The following LYPLAL1 variants were observed in gnomAD, a reference collection of about 807,000 sequenced individuals.
LYPLAL1 encodes lysophospholipase-like protein 1.
LYPLAL1 carries 23 observed loss-of-function variants against 19.7 expected under a neutral mutation model. That is an observed-to-expected ratio of 1.17 (90% CI 0.84 to 1.65). The LOEUF (loss-of-function observed/expected upper bound fraction) is 1.65. Ranked by LOEUF, LYPLAL1 falls within the 40% of genes most tolerant of loss-of-function variation. LYPLAL1 has a pLI of 0.00. For missense variants in LYPLAL1, 355 were observed against 279.4 expected, an observed-to-expected ratio of 1.27 and a Z score of -1.93; for synonymous variants, 119 against 96.3, an observed-to-expected ratio of 1.24 and a Z score of -1.38.
the LYPLAL1 span, among the ~76,000 whole-genome samples, chr1:219,246,427 C>T: frequency 1.3e-5 from 2 of 152,082 alleles, no homozygotes; most frequent in Non-Finnish European, 2.9e-5. Context: ...GGTCTGATTT[C>T]TCAAATGTAT....
chr1:219,388,466 T>A, the LYPLAL1 span, among the ~76,000 whole-genome samples: 1 of 152,176 alleles, frequency 6.6e-6, no homozygotes, highest in Non-Finnish European at 1.5e-5. Context: ...ACAGGACTAG[T>A]AGAGTCTAAT....
the LYPLAL1 span, among the ~76,000 whole-genome samples, chr1:219,353,790 CA>C: frequency 2.0e-5 from 3 of 151,982 alleles, no homozygotes; most frequent in African/African-American, 7.2e-5. Context: ...GACCCATAAA[CA>C]GGGGAAACTT....
the LYPLAL1 span, among the ~76,000 whole-genome samples, chr1:219,414,216 A>G: frequency 6.6e-6 from 1 of 152,196 alleles, no homozygotes; most frequent in Non-Finnish European, 1.5e-5. Context: ...ATTTTGCAAT[A>G]AATGCCAGCA....
At chr1:219,353,310 T>C in the LYPLAL1 span, among the ~76,000 whole-genome samples, 12 of 152,230 alleles carry the variant, frequency 7.9e-5, no homozygotes, top group Non-Finnish European at 1.8e-4. Context: ...GACAGAGCAC[T>C]AGATTCTACA....
intron 2 of LYPLAL1, among the ~76,000 whole-genome samples, chr1:219,182,009 T>C (rs1351253044): frequency 6.6e-6 from 1 of 152,154 alleles, no homozygotes; most frequent in East Asian, 1.9e-4. Flanking sequence ...AATACTAATA[T>C]TTTAATTGTG....
chr1:219,374,817 G>C, the LYPLAL1 span, among the ~76,000 whole-genome samples: 187 of 152,258 alleles, frequency 1.2e-3, no homozygotes, highest in African/African-American at 4.2e-3. Flanking sequence ...TGAGAATACA[G>C]TTTCTTCATT....
chr1:219,359,806 T>C, the LYPLAL1 span, among the ~76,000 whole-genome samples: 27 of 152,220 alleles, frequency 1.8e-4, no homozygotes, highest in African/African-American at 6.0e-4. Context: ...TTCTATGGCA[T>C]GGTAGTCAAA....
chr1:219,433,557 C>T, the LYPLAL1 span, among the ~76,000 whole-genome samples: 1 of 152,168 alleles, frequency 6.6e-6, no homozygotes, highest in Non-Finnish European at 1.5e-5. Flanking sequence ...ATTCAGACTC[C>T]CTGAGAGTCA....
At chr1:219,195,149 A>C (rs571571204) in intron 3 of LYPLAL1, among the ~76,000 whole-genome samples, 1 of 152,194 alleles carries the variant, frequency 6.6e-6, no homozygotes, top group Non-Finnish European at 1.5e-5. Flanking sequence ...CTGAGAGATG[A>C]ACAAACTATT....
At chr1:219,303,493 G>T in the LYPLAL1 span, among the ~76,000 whole-genome samples, 2 of 152,238 alleles carry the variant, frequency 1.3e-5, no homozygotes, top group Non-Finnish European at 2.9e-5. Flanking sequence ...ATGATCTGCA[G>T]CAGGCAATTG....
the LYPLAL1 span, among the ~76,000 whole-genome samples, chr1:219,320,029 T>A: frequency 6.6e-6 from 1 of 152,204 alleles, no homozygotes; most frequent in African/African-American, 2.4e-5. Flanking sequence ...TAAAGGAAAC[T>A]GGAGAAAATA....
the LYPLAL1 span, among the ~76,000 whole-genome samples, chr1:219,278,312 A>T: frequency 6.6e-6 from 1 of 152,194 alleles, no homozygotes; most frequent in Non-Finnish European, 1.5e-5. Flanking sequence ...AGGCATCTTA[A>T]GTGGTACACA....
chr1:219,307,042 G>A, the LYPLAL1 span, among the ~76,000 whole-genome samples: 17 of 42,586 alleles, frequency 4.0e-4, no homozygotes, highest in Non-Finnish European at 4.5e-4. Flanking sequence ...ATATATATAT[G>A]TATATATATA....
At chr1:219,282,346 A>G in the LYPLAL1 span, among the ~76,000 whole-genome samples, 2 of 152,120 alleles carry the variant, frequency 1.3e-5, no homozygotes, top group East Asian at 3.9e-4. Flanking sequence ...AAAATATATC[A>G]TAGATCTTGT....
the LYPLAL1 span, chr1:219,409,456 A>ACACACACACACACACACACACACACG: frequency 1.8e-4 from 25 of 139,428 alleles, no homozygotes; most frequent in African/African-American, 7.1e-4. Context: ...ACACACACAC[A>ACACACACACACACACACACACACACG]CACACACACA....
chr1:219,300,468 G>T, the LYPLAL1 span, among the ~76,000 whole-genome samples: 1 of 148,740 alleles, frequency 6.7e-6, no homozygotes, highest in Admixed American at 6.7e-5. Flanking sequence ...GTGGAAAAGA[G>T]ATTTATAAAA....
chr1:219,262,789 G>A, the LYPLAL1 span, among the ~76,000 whole-genome samples: 1 of 152,202 alleles, frequency 6.6e-6, no homozygotes, highest in African/African-American at 2.4e-5. Flanking sequence ...GTTATGTTTA[G>A]CGTTTTGGTT....
At chr1:219,310,089 C>G in the LYPLAL1 span, among the ~76,000 whole-genome samples, 1 of 152,142 alleles carries the variant, frequency 6.6e-6, no homozygotes, top group African/African-American at 2.4e-5. Flanking sequence ...TGAGACTGAG[C>G]CTCAGCTTTG....
At chr1:219,408,329 AG>A in the LYPLAL1 span, among the ~76,000 whole-genome samples, 1 of 152,146 alleles carries the variant, frequency 6.6e-6, no homozygotes, top group African/African-American at 2.4e-5. Context: ...AGGTTCCTTG[AG>A]AGAGAAGAAA....
Sources: gnomAD v4.1 joint callset for allele counts (sites outside exome capture counted in the v4.1 genomes callset) on GRCh38, gnomAD v4.1.1 for gene constraint, MANE v1.5 for transcripts, NCBI Gene and HGNC (gene_info 2026-07-23, HGNC 2026-07-21) for gene names.